TOP6BL: variants seen among roughly 807,000 people sequenced by gnomAD.
TOP6BL encodes type 2 DNA topoisomerase 6 subunit B-like.
chr11:66,746,373 G>A, the TOP6BL span, among the ~76,000 whole-genome samples: 2 of 151,934 alleles, frequency 1.3e-5, no homozygotes, highest in Admixed American at 6.6e-5. Flanking sequence ...GATCACTTGA[G>A]ATCAGGAGTT....
the TOP6BL span, among the ~76,000 whole-genome samples, chr11:66,832,536 CT>C: frequency 1.3e-5 from 2 of 152,218 alleles, no homozygotes; most frequent in Admixed American, 1.3e-4. Context: ...ATCTTATGGA[CT>C]TTACCATCCT....
chr11:66,791,879 G>A, the TOP6BL span, among the ~76,000 whole-genome samples: 12 of 150,512 alleles, frequency 8.0e-5, no homozygotes, highest in African/African-American at 2.5e-5. Flanking sequence ...GTGTAGTGGC[G>A]CGATCTCAGC....
chr11:66,770,007 A>G, the TOP6BL span, among the ~76,000 whole-genome samples: 2 of 152,010 alleles, frequency 1.3e-5, no homozygotes, highest in African/African-American at 4.8e-5. Flanking sequence ...GGCCTCCCAA[A>G]GTGCTGGGAT....
the TOP6BL span, chr11:66,762,570 A>G: frequency 1.3e-4 from 23 of 178,702 alleles, no homozygotes; most frequent in East Asian, 4.2e-3. Flanking sequence ...TCCTGGGTTC[A>G]AGCGATTCTC....
At chr11:66,745,878 C>G in the TOP6BL span, among the ~76,000 whole-genome samples, 1 of 152,162 alleles carries the variant, frequency 6.6e-6, no homozygotes, top group Non-Finnish European at 1.5e-5. Flanking sequence ...TGGCGTGATC[C>G]CGGCTCACCG....
chr11:66,793,418 T>G, the TOP6BL span, among the ~76,000 whole-genome samples: 1 of 150,750 alleles, frequency 6.6e-6, no homozygotes, highest in African/African-American at 2.4e-5. Context: ...TTTCAAATAC[T>G]TTTTCAAATA....
At chr11:66,840,282 C>G in the TOP6BL span, among the ~76,000 whole-genome samples, 11 of 152,326 alleles carry the variant, frequency 7.2e-5, no homozygotes, top group East Asian at 1.9e-3. Context: ...TTTAAAAAAT[C>G]TACCCAGTCT....
the TOP6BL span, among the ~76,000 whole-genome samples, chr11:66,803,172 G>C: frequency 6.6e-6 from 1 of 152,178 alleles, no homozygotes; most frequent in Non-Finnish European, 1.5e-5. Flanking sequence ...AGTATCATGG[G>C]GCCAGTTTTA....
the TOP6BL span, among the ~76,000 whole-genome samples, chr11:66,808,098 T>G: frequency 6.6e-6 from 1 of 152,254 alleles, no homozygotes. Flanking sequence ...TGTCCCATGG[T>G]GCATATGCAC....
At chr11:66,796,472 A>G in the TOP6BL span, 16 of 837,380 alleles carry the variant, frequency 1.9e-5, no homozygotes, top group South Asian at 3.9e-5. Context: ...TTTTCTTTCA[A>G]TGAAGATGAT....
the TOP6BL span, chr11:66,815,835 T>C: frequency 2.2e-6 from 1 of 446,804 alleles, no homozygotes; most frequent in Non-Finnish European, 4.0e-6. Flanking sequence ...GGCTTGCATT[T>C]TACACACATA....
At chr11:66,787,911 A>C in the TOP6BL span, among the ~76,000 whole-genome samples, 1 of 152,204 alleles carries the variant, frequency 6.6e-6, no homozygotes, top group Non-Finnish European at 1.5e-5. Context: ...TTAACAGAAA[A>C]TAAAAATTGA....
At chr11:66,799,023 A>G in the TOP6BL span, among the ~76,000 whole-genome samples, 2 of 152,068 alleles carry the variant, frequency 1.3e-5, no homozygotes, top group Non-Finnish European at 2.9e-5. Flanking sequence ...CCTGGCCAAC[A>G]TGGCGAAACC....
At chr11:66,753,942 T>A in the TOP6BL span, among the ~76,000 whole-genome samples, 1 of 152,110 alleles carries the variant, frequency 6.6e-6, no homozygotes, top group African/African-American at 2.4e-5. Context: ...TGACATCAGG[T>A]GATACGCCCA....
chr11:66,838,254 A>T, the TOP6BL span: 1 of 796,014 alleles, frequency 1.3e-6, no homozygotes. Context: ...AGGGAGTTCC[A>T]GGTGAGGGCA....
chr11:66,785,307 A>G, the TOP6BL span, among the ~76,000 whole-genome samples: 1 of 151,954 alleles, frequency 6.6e-6, no homozygotes, highest in Non-Finnish European at 1.5e-5. Context: ...AATTTACGAC[A>G]GTGTTTCCTT....
At chr11:66,791,581 T>A in the TOP6BL span, among the ~76,000 whole-genome samples, 2 of 152,196 alleles carry the variant, frequency 1.3e-5, no homozygotes, top group African/African-American at 4.8e-5. Context: ...AAGTTCATAT[T>A]TGAAAACATA....
chr11:66,830,831 C>T, the TOP6BL span, among the ~76,000 whole-genome samples: 1 of 152,196 alleles, frequency 6.6e-6, no homozygotes, highest in East Asian at 1.9e-4. Context: ...CCCCTATATA[C>T]CTGATAGCAC....
the TOP6BL span, among the ~76,000 whole-genome samples, chr11:66,807,986 A>G: frequency 2.6e-5 from 4 of 152,256 alleles, no homozygotes; most frequent in African/African-American, 9.6e-5. Flanking sequence ...GGATGATTTT[A>G]GATTTGTTAG....
Sources: allele counts gnomAD v4.1 joint callset (sites outside exome capture counted in the v4.1 genomes callset), GRCh38; gene constraint gnomAD v4.1.1; transcripts MANE v1.5; gene names NCBI Gene and HGNC (gene_info 2026-07-23, HGNC 2026-07-21).